Variants in OTOF observed in about 807,000 individuals in gnomAD.
The protein encoded by OTOF is fer-1-like family member 2.
A neutral mutation model predicts 236.8 loss-of-function variants in OTOF; 218 were observed. That is an observed-to-expected ratio of 0.92 (90% confidence interval 0.82 to 1.03). The LOEUF (loss-of-function observed/expected upper bound fraction) is 1.03. Among genes scored for constraint, OTOF ranks in the 50% least tolerant of loss-of-function variants. The probability of loss-of-function intolerance (pLI) is 0.00; values close to 1 mark genes in which losing one functional copy is unlikely to be tolerated. For synonymous variants in OTOF, 1,041 were observed against 1,072.5 expected, an observed-to-expected ratio of 0.97 and a Z score of 0.57; for missense variants, 2,590 against 2,694.4, an observed-to-expected ratio of 0.96 and a Z score of 0.86.
At position 26,473,666 on chromosome 2, in the gene OTOF, G is replaced by T; in HGVS notation, c.3409-99C>A. On this transcript the variant is annotated intron_variant, in intron 27 of 46. Transcript: ENST00000272371. This position sits in a 1 kb window ranked among gnomAD's most constrained non-coding sequence, Gnocchi z 7.2. ...CCATCCAATAGGGAACCGGGCAGTG[G>T]GATGGGCAGTAGTTCACCCCAGATT... The T allele has an allele frequency of 8.0e-7, 1 of 1,251,462 alleles. No individual in the cohort carries two copies. The highest frequency in any genetic ancestry group is 1.1e-6 in the Non-Finnish European group (1 of 902,476). The allele number at this position is 1,251,462 out of a possible 1,614,324, so 77.5% of individuals were successfully genotyped here.
At chr2:26,529,230 G>A (rs755425930) in intron 2 of OTOF, among the ~76,000 whole-genome samples, 12 of 152,220 alleles carry the variant, frequency 7.9e-5, no homozygotes, top group African/African-American at 2.7e-4. Flanking sequence ...TGCTCAAGAC[G>A]CTGTGGAGAG....
Position 26,472,659 on chromosome 2 carries a change from T to C in OTOF, c.3734-10A>G, listed in dbSNP as rs73920284. The stretch of plus-strand genomic sequence containing the variant: ...CGCCGGAGAAGCCTGACTGGACAGA[T>C]GGATAGATGGACAGACAGGCAGAGG... On this transcript the variant is annotated splice_polypyrimidine_tract_variant and intron_variant, in intron 29 of 46. Coordinates refer to ENST00000272371, the MANE Select transcript of OTOF (RefSeq NM_194248.3). 6.2e-7 allele frequency: 1 copy of C among 1,612,232 alleles called. No individual in the cohort carries two copies. Among genetic ancestry groups the C allele is most frequent in the African/African-American group, 1.3e-5 (1 of 74,840 alleles).
At chr2:26,550,819 G>A (rs995564163) in intron 1 of OTOF, among the ~76,000 whole-genome samples, 1 of 152,048 alleles carries the variant, frequency 6.6e-6, no homozygotes, top group Non-Finnish European at 1.5e-5. Context: ...TCCAAAACAA[G>A]ATCTTAGCAT....
At chr2:26,468,329 G>T in intron 33 of OTOF, 79 bp downstream of exon 33, 1 of 1,028,234 alleles carries the variant, frequency 9.7e-7, no homozygotes. Flanking sequence ...GAAAAGAGAA[G>T]CAGGTGATGA....
chr2:26,468,762 T>G (rs1166641471), intron 32 of OTOF, among the ~76,000 whole-genome samples: 1 of 152,156 alleles, frequency 6.6e-6, no homozygotes, highest in African/African-American at 2.4e-5. Context: ...GGGACATGGA[T>G]GAAGCCAGAA....
At chr2:26,466,993 C>T in intron 35 of OTOF, 106 bp downstream of exon 35, 1 of 1,553,406 alleles carries the variant, frequency 6.4e-7, no homozygotes. Flanking sequence ...GAGTCCAGGG[C>T]TTCTGGAGGC....
At chr2:26,527,325 A>G (rs1666832104) in intron 3 of OTOF, among the ~76,000 whole-genome samples, 1 of 152,252 alleles carries the variant, frequency 6.6e-6, no homozygotes, top group East Asian at 1.9e-4. Flanking sequence ...TTGAAATCAG[A>G]GAGGTTATGT....
chr2:26,522,748 G>C (rs1029823547), intron 3 of OTOF, among the ~76,000 whole-genome samples: 13 of 152,234 alleles, frequency 8.5e-5, no homozygotes, highest in African/African-American at 3.1e-4. Flanking sequence ...AGACCTGACT[G>C]TCCTGAACCT....
chr2:26,508,044 C>A lies in OTOF; in HGVS notation c.510-4199G>T, dbSNP rs78103306. ...ACCCGAGTGTTTCATTAATTCAGGT[C>A]TCTGGATTATTCTGAAAGCTAATAG... On this transcript the variant is annotated intron_variant, in intron 5 of 46. Coordinates refer to ENST00000272371, the MANE Select transcript of OTOF (RefSeq NM_194248.3). 8.4e-3 allele frequency among the ~76,000 whole-genome samples: 1,275 copies of A among 152,250 alleles called. 17 individuals are homozygous for A. The highest frequency in any genetic ancestry group is 0.029 in the African/African-American group (1,216 of 41,538).
intron 1 of OTOF, among the ~76,000 whole-genome samples, chr2:26,548,428 C>T (rs75545754): frequency 6.6e-6 from 1 of 152,092 alleles, no homozygotes; most frequent in African/African-American, 2.4e-5. Context: ...TACCTAATTC[C>T]AGAATATTTT....
intron 1 of OTOF, among the ~76,000 whole-genome samples, chr2:26,553,583 G>C (rs538213273): frequency 6.6e-6 from 1 of 152,120 alleles, no homozygotes; most frequent in South Asian, 2.1e-4. Context: ...CCTGCCCCAC[G>C]TGTGGTCGCA....
At chr2:26,467,297 G>T in intron 34 of OTOF, 64 bp from the exon 35 acceptor site, 10 of 1,613,772 alleles carry the variant, frequency 6.2e-6, no homozygotes, top group Non-Finnish European at 7.6e-6. Context: ...TGCCCCACCT[G>T]CAGGATCACT....
chr2:26,546,610 G>T (rs893711064), intron 1 of OTOF, among the ~76,000 whole-genome samples: 2 of 152,026 alleles, frequency 1.3e-5, no homozygotes, highest in African/African-American at 4.8e-5. Context: ...TTTTAAAGTA[G>T]TTTTCAATTT....
chr2:26,527,975 G>A, intron 2 of OTOF, 55 bp from the exon 3 acceptor site: 1 of 1,229,990 alleles, frequency 8.1e-7, no homozygotes, highest in South Asian at 1.2e-5. Context: ...AGGAGCCGTG[G>A]GGTGTGGGAG....
At position 26,462,656 on chromosome 2, in the gene OTOF, C is replaced by T. The variant is rs984782021; in HGVS notation, c.5193-475G>A. Reference sequence around the variant, plus strand: ...GACAGGGCTGCGAGCCCAGAGTGGCCCAGTGAGTTGGGTGCCCCCTAATGA... The same window carrying T: ...GACAGGGCTGCGAGCCCAGAGTGGCTCAGTGAGTTGGGTGCCCCCTAATGA... On this transcript the variant is annotated intron_variant, in intron 41 of 46. Coordinates refer to ENST00000272371, the MANE Select transcript of OTOF (RefSeq NM_194248.3). This position sits in a 1 kb window ranked among gnomAD's most constrained non-coding sequence, Gnocchi z 4.7. 6.6e-6 allele frequency among the ~76,000 whole-genome samples: 1 copy of T among 152,204 alleles called. No homozygotes were observed. Among genetic ancestry groups the T allele is most frequent in the Non-Finnish European group, 1.5e-5 (1 of 68,046 alleles).
At chr2:26,513,333 G>A (rs1248766905) in intron 5 of OTOF, among the ~76,000 whole-genome samples, 2 of 152,182 alleles carry the variant, frequency 1.3e-5, no homozygotes, top group Non-Finnish European at 2.9e-5. Context: ...AGAGAAGCAG[G>A]CCAGGCAGGG....
chr2:26,519,127 G>A lies in OTOF; in HGVS notation c.228-18C>T, dbSNP rs1403462871. ...CGATGAGCCTGGGGATGGCAGAGGGGGCACGGTGGTAACATGGAAGAGACC... is the reference window on the plus strand; with the variant it reads ...CGATGAGCCTGGGGATGGCAGAGGGAGCACGGTGGTAACATGGAAGAGACC... On this transcript the variant is annotated intron_variant, in intron 3 of 46. Transcript: ENST00000272371. The A allele has an allele frequency of 2.6e-6, 4 of 1,520,652 alleles. No homozygotes were observed. Among genetic ancestry groups the A allele is most frequent in the Admixed American group, 1.8e-5 (1 of 56,848 alleles). The allele number at this position is 1,520,652 out of a possible 1,614,324, so 94.2% of individuals were successfully genotyped here.
At chr2:26,458,713 C>G (rs1664310194) in intron 46 of OTOF, among the ~76,000 whole-genome samples, 1 of 152,222 alleles carries the variant, frequency 6.6e-6, no homozygotes, top group African/African-American at 2.4e-5. Context: ...TCTGTAGAGC[C>G]TCCCAGCCGA....
intron 12 of OTOF, 39 bp from the exon 13 acceptor site, chr2:26,483,687 C>T: frequency 6.3e-7 from 1 of 1,591,192 alleles, no homozygotes; most frequent in Non-Finnish European, 8.6e-7. Flanking sequence ...TCACCAGGTC[C>T]AGGTCCCCAA....
Sources: allele counts gnomAD v4.1 joint callset (sites outside exome capture counted in the v4.1 genomes callset), GRCh38; gene constraint gnomAD v4.1.1; non-coding constraint Gnocchi (gnomAD v3.1); transcripts MANE v1.5; gene names NCBI Gene and HGNC (gene_info 2026-07-23, HGNC 2026-07-21).